The following KCNN2 variants were observed in gnomAD, a reference collection of about 807,000 sequenced individuals.
KCNN2 encodes small conductance calcium-activated potassium channel protein 2.
A neutral mutation model predicts 55.5 loss-of-function variants in KCNN2; 24 were observed. The ratio of observed to expected loss-of-function variants is 0.43; its 90% CI spans 0.31 to 0.61. The LOEUF is 0.61. Ranked by LOEUF, KCNN2 falls within the 20% of genes least tolerant of loss-of-function variation. KCNN2 has a pLI of 0.08. For synonymous variants in KCNN2, 431 were observed against 336.1 expected, an observed-to-expected ratio of 1.28 and a Z score of -3.09; for missense variants, 754 against 853.6, an observed-to-expected ratio of 0.88 and a Z score of 1.45.
chr5:114,245,475 G>T (rs754857455), intron 2 of KCNN2, among the ~76,000 whole-genome samples: 15 of 152,116 alleles, frequency 9.9e-5, no homozygotes, highest in Non-Finnish European at 1.6e-4. Flanking sequence ...TTCAAAGAGG[G>T]AAAGTGAATT....
chr5:114,183,801 C>T (rs757404462), intron 1 of KCNN2, among the ~76,000 whole-genome samples: 1 of 151,418 alleles, frequency 6.6e-6, no homozygotes, highest in Non-Finnish European at 1.5e-5. Context: ...CAATAACCAA[C>T]CTTTAGGGCT....
intron 3 of KCNN2, among the ~76,000 whole-genome samples, chr5:114,425,674 T>C (rs75918972): frequency 0.044 from 6,662 of 152,268 alleles, 159 homozygotes; most frequent in Middle Eastern, 0.068. Context: ...CTGCAAATCC[T>C]GTTGGCTCTC....
intron 1 of KCNN2, among the ~76,000 whole-genome samples, chr5:114,128,147 C>G (rs1446430760): frequency 1.3e-5 from 2 of 152,098 alleles, no homozygotes; most frequent in African/African-American, 2.4e-5. Flanking sequence ...TAACAGCACC[C>G]CACTACCTGG....
intron 1 of KCNN2, among the ~76,000 whole-genome samples, chr5:114,060,644 T>C (rs1452175482): frequency 6.6e-6 from 1 of 152,254 alleles, no homozygotes; most frequent in African/African-American, 2.4e-5. Flanking sequence ...AGTTCCATTC[T>C]GGCTCTACCA....
intron 3 of KCNN2, among the ~76,000 whole-genome samples, chr5:114,409,438 A>G (rs978642395): frequency 3.3e-5 from 5 of 151,962 alleles, no homozygotes; most frequent in African/African-American, 7.3e-5. Context: ...CCCCTCTTAT[A>G]TGAAGTTTAC....
At chr5:114,408,028 T>C (rs1758994061) in intron 3 of KCNN2, among the ~76,000 whole-genome samples, 1 of 152,190 alleles carries the variant, frequency 6.6e-6, no homozygotes, top group Non-Finnish European at 1.5e-5. Flanking sequence ...TTCGAAACTC[T>C]ATGGTTATCC....
intron 1 of KCNN2, among the ~76,000 whole-genome samples, chr5:114,056,861 C>T (rs1452319869): frequency 6.6e-6 from 1 of 151,994 alleles, no homozygotes; most frequent in East Asian, 1.9e-4. Context: ...ACTTCTTTTT[C>T]CTGTCTATGA....
chr5:114,394,951 T>C (rs1400493670), intron 2 of KCNN2, among the ~76,000 whole-genome samples: 1 of 152,246 alleles, frequency 6.6e-6, no homozygotes, highest in Admixed American at 6.5e-5. Flanking sequence ...CTGGCTATTC[T>C]ACTTACTTTC....
chr5:114,110,236 A>G (rs13177238), intron 1 of KCNN2, among the ~76,000 whole-genome samples: 32,456 of 152,006 alleles, frequency 0.21, 3,990 homozygotes, highest in African/African-American at 0.34. Context: ...GACAGGTAAC[A>G]AGCCAATACT....
chr5:114,118,811 C>T (rs930758866), intron 1 of KCNN2, among the ~76,000 whole-genome samples: 2 of 152,156 alleles, frequency 1.3e-5, no homozygotes, highest in African/African-American at 2.4e-5. Context: ...AAACCACATT[C>T]TGCAGGGCAC....
At chr5:114,090,573 G>A (rs894132478) in intron 1 of KCNN2, among the ~76,000 whole-genome samples, 49 of 104,106 alleles carry the variant, frequency 4.7e-4, no homozygotes, top group Non-Finnish European at 9.5e-4. Context: ...ATATATATAT[G>A]TATGTATATA....
chr5:114,455,724 A>G (rs1168010164), intron 3 of KCNN2, among the ~76,000 whole-genome samples: 1 of 152,236 alleles, frequency 6.6e-6, no homozygotes, highest in African/African-American at 2.4e-5. Flanking sequence ...TAAAAGTGCT[A>G]CTCCAGTGAA....
At chr5:114,364,251 C>T (rs1757537434) in intron 2 of KCNN2, among the ~76,000 whole-genome samples, 1 of 152,166 alleles carries the variant, frequency 6.6e-6, no homozygotes, top group African/African-American at 2.4e-5. Flanking sequence ...TTTTACTTCT[C>T]TTCAGTAGGT....
At chr5:114,267,526 G>A (rs538668778) in intron 2 of KCNN2, among the ~76,000 whole-genome samples, 41 of 149,104 alleles carry the variant, frequency 2.7e-4, no homozygotes, top group Middle Eastern at 3.4e-3. Context: ...CAGAGCCAGA[G>A]AACAGTAGTG....
chr5:114,093,510 T>C (rs1348939336), intron 1 of KCNN2, among the ~76,000 whole-genome samples: 1 of 152,188 alleles, frequency 6.6e-6, no homozygotes, highest in African/African-American at 2.4e-5. Context: ...ACCAATTTAC[T>C]GTATTACTCC....
intron 4 of KCNN2, among the ~76,000 whole-genome samples, chr5:114,472,787 C>T (rs1279263227): frequency 6.6e-6 from 1 of 152,086 alleles, no homozygotes; most frequent in African/African-American, 2.4e-5. Context: ...AAAAATTCAC[C>T]AAGTTGCTTT....
At chr5:114,254,222 G>A (rs1038710727) in intron 2 of KCNN2, among the ~76,000 whole-genome samples, 2 of 151,902 alleles carry the variant, frequency 1.3e-5, no homozygotes, top group African/African-American at 4.8e-5. Context: ...CGAAAAGATA[G>A]AAAATATAAA....
At chr5:114,359,551 A>T (rs892926019), upstream of KCNN2, among the ~76,000 whole-genome samples, 14 of 152,192 alleles carry the variant, frequency 9.2e-5, no homozygotes, top group Non-Finnish European at 2.9e-5. Flanking sequence ...GGATGCAGCC[A>T]TTATTTTTCT....
At chr5:114,359,521 C>T (rs998972240), upstream of KCNN2, among the ~76,000 whole-genome samples, 4 of 152,252 alleles carry the variant, frequency 2.6e-5, no homozygotes, top group Admixed American at 1.3e-4. Flanking sequence ...TGCTATTTGA[C>T]AAAGTCAGTT....
Sources: gnomAD v4.1 joint callset for allele counts (sites outside exome capture counted in the v4.1 genomes callset) on GRCh38, gnomAD v4.1.1 for gene constraint, MANE v1.5 for transcripts, NCBI Gene and HGNC (gene_info 2026-07-23, HGNC 2026-07-21) for gene names.